The following LRP1 variants were observed in gnomAD, a reference collection of about 807,000 sequenced individuals.
LRP1 encodes LDL receptor related protein 1.
LRP1 carries 51 observed loss-of-function variants against 541.5 expected under a neutral mutation model. The ratio of observed to expected loss-of-function variants is 0.09; its 90% confidence interval spans 0.08 to 0.12. The LOEUF (loss-of-function observed/expected upper bound fraction) is 0.12, where lower values mean the gene tolerates loss of function less well. LRP1 is among the 10% of genes least tolerant of loss of function. The probability of loss-of-function intolerance (pLI) is 1.00; values close to 1 mark genes in which losing one functional copy is unlikely to be tolerated. For missense variants in LRP1, 3,878 were observed against 6,376.2 expected (o/e 0.61, Z 13.34); for synonymous variants, 2,219 against 2,470.8 (o/e 0.90, Z 3.02).
At position 57,185,060 on chromosome 12, in the gene LRP1, T is replaced by G. The variant is rs1182041907; in HGVS notation, c.6339-21T>G. 1.2e-6 allele frequency: 2 copies of G among 1,614,100 alleles called. No homozygotes were observed. The highest frequency in any genetic ancestry group is 1.1e-5 in the South Asian group (1 of 91,080). On this transcript the variant is annotated intron_variant, in intron 39 of 88. Coordinates refer to ENST00000243077, the MANE Select transcript of LRP1 (RefSeq NM_002332.3). The surrounding 1 kb of genome is among the most constrained non-coding windows in gnomAD (Gnocchi z 4.9). ...CTCCTGCCTCCACTGATGCCCTGCT[T>G]GTGCCCTGTCCTTCCCTCAGGACTC...
chr12:57,180,313 G>C lies in LRP1; in HGVS notation c.5237-17G>C. ...GCCCTGGGCCAGACTCCCCGGCAGT[G>C]ACTCCCCCTTTTCCAGGCCTGGCTA... On this transcript the variant is annotated splice_polypyrimidine_tract_variant and intron_variant, in intron 31 of 88. Coordinates refer to ENST00000243077, the MANE Select transcript of LRP1 (RefSeq NM_002332.3). 6.2e-7 allele frequency: 1 copy of C among 1,613,298 alleles called. No homozygotes were observed. The highest frequency in any genetic ancestry group is 1.1e-5 in the South Asian group (1 of 91,032).
rs922820831 is a variant in LRP1 at position 57,204,261 on chromosome 12, A to G, written c.10952-149A>G. Reference sequence around the variant, plus strand: ...ATACCAGAGGGGGCAGTTTGGCCCCACCAAGTAGAAATTTAAGAGACCTGG... The same window carrying G: ...ATACCAGAGGGGGCAGTTTGGCCCCGCCAAGTAGAAATTTAAGAGACCTGG... On this transcript the variant is annotated intron_variant, in intron 70 of 88. Coordinates refer to ENST00000243077, the MANE Select transcript of LRP1 (RefSeq NM_002332.3). This position sits in a 1 kb window ranked among gnomAD's most constrained non-coding sequence, Gnocchi z 5.3. The G allele has an allele frequency of 1.0e-6, 1 of 966,332 alleles. No individual in the cohort carries two copies. The highest frequency in any genetic ancestry group is 1.5e-6 in the Non-Finnish European group (1 of 685,362). 59.9% of individuals were successfully genotyped at this position (966,332 alleles called of 1,614,324 possible). A position where few individuals can be genotyped will look rare whatever the true frequency, so the allele number is the denominator to read the frequency against.
chr12:57,129,052 C>A (rs183713414), intron 1 of LRP1, 21 bp downstream of exon 1: 1 of 1,551,240 alleles, frequency 6.4e-7, no homozygotes, highest in Non-Finnish European at 8.7e-7. Flanking sequence ...TTCCGCGTCC[C>A]CCTTGGACCC....
intron 1 of LRP1, among the ~76,000 whole-genome samples, chr12:57,135,218 G>A (rs548997271): frequency 6.6e-6 from 1 of 152,208 alleles, no homozygotes; most frequent in East Asian, 1.9e-4. Context: ...AGCTCCCATC[G>A]GTCAGGGAGA....
Position 57,192,704 on chromosome 12 carries a change from A to T in LRP1, c.7430-141A>T, listed in dbSNP as rs558980117. 5.1e-4 allele frequency: 601 copies of T among 1,170,702 alleles called. 1 individual carries two copies. The highest frequency in any genetic ancestry group is 6.8e-4 in the Non-Finnish European group (544 of 805,466). 72.5% of individuals were successfully genotyped at this position (1,170,702 alleles called of 1,614,324 possible). On this transcript the variant is annotated intron_variant, in intron 44 of 88. Coordinates refer to ENST00000243077, the MANE Select transcript of LRP1 (RefSeq NM_002332.3). Reference sequence around the variant, plus strand: ...CAGCAGCCATCCCCATGCCCTCCCCACTGGCTGCAAGCCGCTGTGCCTGCC... The same window carrying T: ...CAGCAGCCATCCCCATGCCCTCCCCTCTGGCTGCAAGCCGCTGTGCCTGCC...
rs373032542 is a variant in LRP1, at chr12:57,205,610, C to G, written c.11523C>G (p.Thr3841=). 4 of 1,613,736 alleles carry G rather than the reference C, an allele frequency of 2.5e-6. 1 individual carries two copies. The African/African-American group carries it at 5.3e-5, about 22-fold the overall frequency. Residue 3841 remains threonine (T), a synonymous_variant, in exon 75 of 89, where the codon ACC becomes ACG. Coordinates refer to ENST00000243077, the MANE Select transcript of LRP1 (RefSeq NM_002332.3). The surrounding 1 kb of genome is among the most constrained non-coding windows in gnomAD (Gnocchi z 4.6). ...CCTGCTCCCAGCTCTGCAACAACAC[C>G]AAGGGCGGCCACCTCTGCAGCTGCG... The part of the protein sequence containing the change: ...FGTCSQLCNN[T]KGGHLCSCAR...
chr12:57,202,819 C>T (rs879362358), intron 68 of LRP1: 65 of 580,592 alleles, frequency 1.1e-4, no homozygotes, highest in Non-Finnish European at 1.9e-4. Context: ...TGTCCCAGAG[C>T]CCCCCATCCC....
At chr12:57,172,107 T>C (rs925474913) in intron 20 of LRP1, among the ~76,000 whole-genome samples, 7 of 149,678 alleles carry the variant, frequency 4.7e-5, no homozygotes, top group African/African-American at 1.7e-4. Context: ...TCGCTCAGGC[T>C]GGAGTACAGT....
Position 57,193,591 on chromosome 12 carries a change from C to G in LRP1, c.7710C>G (p.Phe2570Leu), listed in dbSNP as rs770207374. The change falls in exon 47 of 89, where the codon TTC becomes TTG. Residue 2570 changes from phenylalanine to leucine, a missense_variant. By Grantham distance (22) the Phe-to-Leu change is conservative. Coordinates refer to ENST00000243077, the MANE Select transcript of LRP1 (RefSeq NM_002332.3). ...ACTCCCGCCGCTGCAAGAAGACTTT[C>G]CGGCAGTGCAGCAATGGGCGCTGTG... ...YCNSRRCKKT[F>L]RQCSNGRCVS... 1 of 1,614,160 alleles carries G rather than the reference C, an allele frequency of 6.2e-7. No homozygotes were observed. The highest frequency in any genetic ancestry group is 8.5e-7 in the Non-Finnish European group (1 of 1,180,020).
rs1319850170 is a variant in LRP1 at position 57,210,878 on chromosome 12, C to T, written c.12915C>T (p.Tyr4305=). ...LPGFLGDRCQ[Y]RQCSGYCENF... ...GCTTCCTGGGCGACCGCTGCCAGTA[C>T]CGTGAGTGAGCCATCCCTGGGCCCC... is the stretch of plus-strand genomic sequence containing the variant. The change falls in exon 83 of 89, where the codon TAC becomes TAT. Residue 4305 remains tyrosine, a splice_region_variant and synonymous_variant. Coordinates refer to ENST00000243077, the MANE Select transcript of LRP1 (RefSeq NM_002332.3). 3 of 1,609,206 alleles carry T rather than the reference C, an allele frequency of 1.9e-6. No individual in the cohort carries two copies. The highest frequency in any genetic ancestry group is 2.5e-6 in the Non-Finnish European group (3 of 1,177,162).
At chr12:57,180,949 C>A in intron 33 of LRP1, 142 bp downstream of exon 33, 1 of 1,291,296 alleles carries the variant, frequency 7.7e-7, no homozygotes, top group Non-Finnish European at 1.1e-6. Context: ...GTTTCCTTAC[C>A]ACAAAGGCGC....
Position 57,179,565 on chromosome 12 carries a change from T to A in LRP1, c.4966+9T>A, listed in dbSNP as rs2036120057. ...GACAGTCGTCTCTGCAGGTTCTTCC[T>A]GGCCCTGGATGCCCACCAGTGGACA... On this transcript the variant is annotated intron_variant, in intron 29 of 88. Coordinates refer to ENST00000243077, the MANE Select transcript of LRP1 (RefSeq NM_002332.3). The surrounding 1 kb of genome is among the most constrained non-coding windows in gnomAD (Gnocchi z 6.8). 6.2e-7 allele frequency: 1 copy of A among 1,611,280 alleles called. No individual in the cohort carries two copies.
intron 20 of LRP1, among the ~76,000 whole-genome samples, chr12:57,170,441 G>A (rs757513594): frequency 3.3e-4 from 50 of 152,070 alleles, no homozygotes; most frequent in Non-Finnish European, 1.5e-4. Flanking sequence ...CACTCTGGGA[G>A]GGTGAAGTGG....
intron 3 of LRP1, among the ~76,000 whole-genome samples, chr12:57,143,037 T>G (rs1158299030): frequency 6.6e-5 from 10 of 152,118 alleles, no homozygotes; most frequent in Non-Finnish European, 1.2e-4. Context: ...GGGGGGCAAC[T>G]GCTCTCCCAC....
At chr12:57,144,706 C>T (rs971176645) in intron 4 of LRP1, 28 of 490,086 alleles carry the variant, frequency 5.7e-5, no homozygotes, top group Non-Finnish European at 9.6e-5. Flanking sequence ...TTCACTGATG[C>T]ACCCCTGGCA....
intron 6 of LRP1, among the ~76,000 whole-genome samples, chr12:57,147,770 A>C (rs2035443247): frequency 6.6e-6 from 1 of 152,182 alleles, no homozygotes; most frequent in Admixed American, 6.5e-5. Context: ...AGCCTGGTTC[A>C]CATGTGTCCT....
intron 3 of LRP1, among the ~76,000 whole-genome samples, chr12:57,143,381 C>G (rs958283997): frequency 1.3e-5 from 2 of 152,230 alleles, no homozygotes; most frequent in African/African-American, 4.8e-5. Context: ...TTGACCCCAA[C>G]AAAGTGCCAG....
At position 57,162,206 on chromosome 12, in the gene LRP1, C is replaced by A; in HGVS notation, c.2203-111C>A. ...GGGGCTCCCAGGCTAATGGGGGAAACAAAGCAAAACCCATGCCCAGGACAT... is the reference window on the plus strand; with the variant it reads ...GGGGCTCCCAGGCTAATGGGGGAAAAAAAGCAAAACCCATGCCCAGGACAT... On this transcript the variant is annotated intron_variant, in intron 13 of 88. Transcript: ENST00000243077. This position sits in a 1 kb window ranked among gnomAD's most constrained non-coding sequence, Gnocchi z 5.2. The A allele has an allele frequency of 2.0e-6, 2 of 988,834 alleles. No homozygotes were observed. The highest frequency in any genetic ancestry group is 3.2e-6 in the Non-Finnish European group (2 of 627,954). The allele number at this position is 988,834 out of a possible 1,614,324, so 61.3% of individuals were successfully genotyped here. A position where few individuals can be genotyped will look rare whatever the true frequency, so the allele number is the denominator to read the frequency against.
intron 60 of LRP1, 146 bp from the exon 61 acceptor site, chr12:57,199,066 C>T (rs1032147017): frequency 1.9e-5 from 14 of 755,244 alleles, no homozygotes; most frequent in African/African-American, 1.5e-4. Flanking sequence ...GCTGTGAGAC[C>T]ATGGGGGGTC....
Sources: allele counts gnomAD v4.1 joint callset (sites outside exome capture counted in the v4.1 genomes callset), GRCh38; gene constraint gnomAD v4.1.1; non-coding constraint Gnocchi (gnomAD v3.1); transcripts MANE v1.5; gene names NCBI Gene and HGNC (gene_info 2026-07-23, HGNC 2026-07-21).